The following PACS1 variants were observed in gnomAD, a reference collection of about 807,000 sequenced individuals.
PACS1 encodes phosphofurin acidic cluster sorting protein 1.
Under a neutral mutation model 115.0 loss-of-function variants are expected in PACS1, and 24 were observed. The ratio of observed to expected loss-of-function variants is 0.21; its 90% CI spans 0.15 to 0.29. The LOEUF is 0.29. PACS1 is among the 10% of genes least tolerant of loss of function. PACS1 has a pLI of 1.00. For missense variants in PACS1, 838 were observed against 1,251.2 expected, an observed-to-expected ratio of 0.67 and a Z score of 4.98; for synonymous variants, 453 against 504.5, an observed-to-expected ratio of 0.90 and a Z score of 1.37.
chr11:66,135,215 A>T (rs1174562334), intron 1 of PACS1, among the ~76,000 whole-genome samples: 1 of 151,904 alleles, frequency 6.6e-6, no homozygotes, highest in Admixed American at 6.6e-5. Flanking sequence ...AAAAAATCTT[A>T]TTTCTTCTCA....
At chr11:66,125,041 C>A (rs1333071666) in intron 1 of PACS1, among the ~76,000 whole-genome samples, 1 of 152,196 alleles carries the variant, frequency 6.6e-6, no homozygotes, top group Non-Finnish European at 1.5e-5. Flanking sequence ...TATTGATGAA[C>A]ATTTGGGTGG....
chr11:66,087,060 C>T (rs745351970), intron 1 of PACS1, among the ~76,000 whole-genome samples: 5 of 152,052 alleles, frequency 3.3e-5, no homozygotes, highest in Admixed American at 6.5e-5. Flanking sequence ...AACATATAAG[C>T]AGCACTCACA....
At chr11:66,102,207 A>G (rs990222426) in intron 1 of PACS1, among the ~76,000 whole-genome samples, 1 of 152,214 alleles carries the variant, frequency 6.6e-6, no homozygotes, top group African/African-American at 2.4e-5. Context: ...TTTATGTTAC[A>G]GAGGAGATCC....
chr11:66,079,190 T>G (rs1035886992), intron 1 of PACS1, among the ~76,000 whole-genome samples: 2 of 152,216 alleles, frequency 1.3e-5, no homozygotes, highest in African/African-American at 4.8e-5. Flanking sequence ...CAGCCTCTTT[T>G]CAGTTGTTTT....
intron 1 of PACS1, among the ~76,000 whole-genome samples, chr11:66,099,996 T>C (rs1031203387): frequency 2.6e-5 from 4 of 152,142 alleles, no homozygotes; most frequent in African/African-American, 9.7e-5. Flanking sequence ...TTCTCCTCCC[T>C]CAGCCCCCTG....
At chr11:66,106,881 T>A (rs1858056536) in intron 1 of PACS1, among the ~76,000 whole-genome samples, 2 of 152,232 alleles carry the variant, frequency 1.3e-5, no homozygotes, top group African/African-American at 4.8e-5. Flanking sequence ...TTTTTGTGTT[T>A]CTTCTACCAA....
intron 1 of PACS1, 111 bp from the exon 2 acceptor site, chr11:66,193,375 C>A: frequency 1.5e-6 from 1 of 679,904 alleles, no homozygotes; most frequent in South Asian, 1.7e-5. Flanking sequence ...GGACTGAGGA[C>A]AGCGTTCTCA....
intron 1 of PACS1, among the ~76,000 whole-genome samples, chr11:66,164,569 A>G (rs1859556585): frequency 6.8e-6 from 1 of 146,050 alleles, no homozygotes. Context: ...CTTAATACAT[A>G]TATATATTTT....
chr11:66,082,826 G>T (rs965442250), intron 1 of PACS1, among the ~76,000 whole-genome samples: 3 of 152,202 alleles, frequency 2.0e-5, no homozygotes, highest in Admixed American at 6.5e-5. Flanking sequence ...TTGCACTCCA[G>T]CCTGGGCAGC....
In PACS1 at chr11:66,211,209, A is replaced by G; in HGVS notation, c.610A>G (p.Thr204Ala). 3.1e-6 allele frequency: 5 copies of G among 1,613,782 alleles called. No individual in the cohort carries two copies. Among genetic ancestry groups the G allele is most frequent in the Non-Finnish European group, 4.2e-6 (5 of 1,179,734 alleles). ...LQRRKRYKNR[T>A]ILGYKTLAVG... ...AAGGAGAAAACGTTACAAGAATCGG[A>G]CCATCTTGGGCTATAAGACCTTGGC... Residue 204 changes from threonine to alanine, a missense_variant, in exon 4 of 24, where the codon ACC becomes GCC. Around this residue, in one of 6 missense-constraint regions of PACS1, gnomAD observed 223 missense variants for 354.0 expected, o/e 0.63. Coordinates refer to ENST00000320580, the MANE Select transcript of PACS1 (RefSeq NM_018026.4).
intron 2 of PACS1, among the ~76,000 whole-genome samples, chr11:66,195,102 T>C (rs568476590): frequency 7.9e-5 from 12 of 152,132 alleles, no homozygotes; most frequent in Non-Finnish European, 1.5e-4. Context: ...TAGTTCCAGC[T>C]ACTCAGGGGG....
At chr11:66,134,429 G>A (rs1182971756) in intron 1 of PACS1, among the ~76,000 whole-genome samples, 1 of 151,408 alleles carries the variant, frequency 6.6e-6, no homozygotes, top group Non-Finnish European at 1.5e-5. Flanking sequence ...ACTACACCTG[G>A]CTAGGTGATG....
At chr11:66,208,658 T>TAAAAAA (rs769442696) in intron 2 of PACS1, among the ~76,000 whole-genome samples, 1 of 112,538 alleles carries the variant, frequency 8.9e-6, no homozygotes, top group South Asian at 2.6e-4. Flanking sequence ...CTCTTTTTAT[T>TAAAAAA]AAAAAAAAAA....
chr11:66,119,280 G>A (rs1302300615), intron 1 of PACS1, among the ~76,000 whole-genome samples: 2 of 152,230 alleles, frequency 1.3e-5, no homozygotes, highest in Non-Finnish European at 2.9e-5. Context: ...TGTGACATGT[G>A]AAAATTATAT....
rs1372920172 is a variant in PACS1 at position 66,233,370 on chromosome 11, A to C, written c.1838+304A>C. 6.6e-6 allele frequency among the ~76,000 whole-genome samples: 1 copy of C among 152,178 alleles called. No homozygotes were observed. Among genetic ancestry groups the C allele is most frequent in the Non-Finnish European group, 1.5e-5 (1 of 68,022 alleles). On this transcript the variant is annotated intron_variant, in intron 15 of 23. Coordinates refer to ENST00000320580, the MANE Select transcript of PACS1 (RefSeq NM_018026.4). This position sits in a 1 kb window ranked among gnomAD's most constrained non-coding sequence, Gnocchi z 4.5. The stretch of plus-strand genomic sequence containing the variant: ...GAAGGAGAGGACACACTGGTTTTAA[A>C]AAGATCTTTTATTCCTTCCATCTGC...
chr11:66,235,569 T>C lies in PACS1; in HGVS notation c.2207+166T>C. 4.8e-6 allele frequency: 3 copies of C among 622,576 alleles called. No homozygotes were observed. The allele number at this position is 622,576 out of a possible 1,614,324, so 38.6% of individuals were successfully genotyped here. ...CCACCACCTCCCCAGCACTCCTTCC[T>C]TGCCCAAGGCCTCCCACCCATAGGA... On this transcript the variant is annotated intron_variant, in intron 18 of 23. Transcript: ENST00000320580. This position sits in a 1 kb window ranked among gnomAD's most constrained non-coding sequence, Gnocchi z 5.6.
chr11:66,077,548 A>G (rs1301859645), intron 1 of PACS1, among the ~76,000 whole-genome samples: 2 of 152,188 alleles, frequency 1.3e-5, no homozygotes, highest in African/African-American at 2.4e-5. Context: ...GCAACAGAGT[A>G]AGACCCTGTC....
chr11:66,222,287 G>T (rs3741370), intron 10 of PACS1, among the ~76,000 whole-genome samples: 17,245 of 152,106 alleles, frequency 0.11, 1,412 homozygotes, highest in Admixed American at 0.24. Context: ...GCTTTATTGG[G>T]CCAAGAATCC....
At chr11:66,141,934 T>C (rs530853074) in intron 1 of PACS1, among the ~76,000 whole-genome samples, 1 of 152,070 alleles carries the variant, frequency 6.6e-6, no homozygotes, top group South Asian at 2.1e-4. Flanking sequence ...GCCTCCTGAG[T>C]AGCTGGGATT....
Sources: gnomAD v4.1 joint callset for allele counts (sites outside exome capture counted in the v4.1 genomes callset) on GRCh38, gnomAD v4.1.1 for gene constraint, gnomAD v4.1.1 regional missense constraint, Gnocchi (gnomAD v3.1) non-coding constraint, MANE v1.5 for transcripts, NCBI Gene and HGNC (gene_info 2026-07-23, HGNC 2026-07-21) for gene names.